The following GULP1 variants were observed in gnomAD, a reference collection of about 807,000 sequenced individuals.
GULP1 encodes the protein PTB domain-containing engulfment adapter protein 1.
A neutral mutation model predicts 40.9 loss-of-function variants in GULP1; 19 were observed. That is an observed-to-expected ratio of 0.46 (90% CI 0.32 to 0.68). The LOEUF is 0.68. Ranked by LOEUF, GULP1 falls within the 30% of genes least tolerant of loss-of-function variation. GULP1 has a pLI of 0.03. For missense variants in GULP1, 312 were observed against 362.2 expected (o/e 0.86, Z 1.12); for synonymous variants, 119 against 117.6 (o/e 1.01, Z -0.08).
chr2:188,462,780 A>T (rs1377989516), intron 2 of GULP1, among the ~76,000 whole-genome samples: 1 of 151,880 alleles, frequency 6.6e-6, no homozygotes, highest in Non-Finnish European at 1.5e-5. Context: ...TATTCATTAT[A>T]TATTTTTTTG....
intron 6 of GULP1, among the ~76,000 whole-genome samples, chr2:188,540,885 A>G (rs911721599): frequency 1.3e-5 from 2 of 152,134 alleles, no homozygotes; most frequent in African/African-American, 4.8e-5. Flanking sequence ...TTTAAAGTAT[A>G]TGATTTCTCA....
chr2:188,327,739 A>T (rs2040958469), intron 1 of GULP1, among the ~76,000 whole-genome samples: 1 of 152,090 alleles, frequency 6.6e-6, no homozygotes, highest in South Asian at 2.1e-4. Flanking sequence ...GGCTAATGGG[A>T]TGCTGAGTTA....
intron 9 of GULP1, among the ~76,000 whole-genome samples, chr2:188,583,976 C>T (rs918797561): frequency 1.4e-4 from 21 of 152,114 alleles, no homozygotes; most frequent in African/African-American, 5.1e-4. Context: ...CCCAAAAATT[C>T]ACTGTATCTT....
At chr2:188,485,818 A>T (rs887527240) in intron 4 of GULP1, among the ~76,000 whole-genome samples, 1 of 151,902 alleles carries the variant, frequency 6.6e-6, no homozygotes, top group Non-Finnish European at 1.5e-5. Flanking sequence ...AAAGAGTGGA[A>T]TTTTTTTCTC....
intron 1 of GULP1, among the ~76,000 whole-genome samples, chr2:188,324,407 G>T (rs2040453666): frequency 6.6e-6 from 1 of 151,968 alleles, no homozygotes; most frequent in South Asian, 2.1e-4. Flanking sequence ...ACTTTTCAAT[G>T]CTCTATCTTC....
intron 1 of GULP1, among the ~76,000 whole-genome samples, chr2:188,373,617 T>C (rs2047907364): frequency 6.6e-6 from 1 of 151,886 alleles, no homozygotes; most frequent in Admixed American, 6.6e-5. Flanking sequence ...AGTGAAAAGG[T>C]ATCAAAGCAG....
chr2:188,500,378 A>G (rs972881631), intron 4 of GULP1, among the ~76,000 whole-genome samples: 3 of 151,934 alleles, frequency 2.0e-5, no homozygotes, highest in Non-Finnish European at 4.4e-5. Flanking sequence ...ACCAATCTTT[A>G]TAGGAAGCTA....
intron 2 of GULP1, among the ~76,000 whole-genome samples, chr2:188,433,749 G>T (rs1431840294): frequency 6.6e-6 from 1 of 151,982 alleles, no homozygotes; most frequent in Non-Finnish European, 1.5e-5. Context: ...ATTCAAAGAG[G>T]TTTTTTCTGA....
intron 9 of GULP1, among the ~76,000 whole-genome samples, chr2:188,577,890 T>C (rs1302362525): frequency 6.6e-6 from 1 of 152,102 alleles, no homozygotes; most frequent in African/African-American, 2.4e-5. Flanking sequence ...AAAGATCTGC[T>C]AGAACATTTT....
At chr2:188,480,456 G>GTTTTTTTTTT (rs548972577) in intron 3 of GULP1, among the ~76,000 whole-genome samples, 2 of 147,558 alleles carry the variant, frequency 1.4e-5, no homozygotes, top group African/African-American at 5.0e-5. Context: ...ACATAATTGT[G>GTTTTTTTTTT]TTTTTTTTTT....
chr2:188,496,484 C>T (rs2062907814), intron 4 of GULP1, among the ~76,000 whole-genome samples: 1 of 151,882 alleles, frequency 6.6e-6, no homozygotes, highest in Non-Finnish European at 1.5e-5. Flanking sequence ...AAATATTCTT[C>T]AGAAACTTCT....
intron 2 of GULP1, among the ~76,000 whole-genome samples, chr2:188,449,787 G>A (rs758884385): frequency 1.3e-5 from 2 of 152,190 alleles, no homozygotes; most frequent in Non-Finnish European, 2.9e-5. Flanking sequence ...TGGCCAAAGT[G>A]AATTGTTGCC....
intron 2 of GULP1, among the ~76,000 whole-genome samples, chr2:188,467,663 T>C (rs1379152234): frequency 6.6e-6 from 1 of 152,194 alleles, no homozygotes; most frequent in African/African-American, 2.4e-5. Flanking sequence ...CTACTAATAT[T>C]TTCCATGTGG....
At chr2:188,362,986 A>T (rs1420235681) in intron 1 of GULP1, among the ~76,000 whole-genome samples, 2 of 152,106 alleles carry the variant, frequency 1.3e-5, no homozygotes, top group African/African-American at 4.8e-5. Flanking sequence ...AGAAAAAAAT[A>T]TGAATCGTAA....
intron 4 of GULP1, among the ~76,000 whole-genome samples, chr2:188,486,794 G>A (rs1369481372): frequency 2.0e-5 from 3 of 151,744 alleles, no homozygotes; most frequent in African/African-American, 7.3e-5. Context: ...TAGTTCATTG[G>A]GAATCTTTTA....
chr2:188,427,906 C>G (rs959164408), intron 2 of GULP1, among the ~76,000 whole-genome samples: 2 of 152,222 alleles, frequency 1.3e-5, no homozygotes, highest in African/African-American at 4.8e-5. Context: ...TTGCATCCTG[C>G]ATCTGGAAAA....
chr2:188,534,783 T>C (rs1465881718), intron 6 of GULP1, among the ~76,000 whole-genome samples: 1 of 152,110 alleles, frequency 6.6e-6, no homozygotes, highest in Non-Finnish European at 1.5e-5. Context: ...GTTTATCACA[T>C]GACAACCTAT....
intron 2 of GULP1, among the ~76,000 whole-genome samples, chr2:188,403,316 A>G (rs911447430): frequency 6.6e-6 from 1 of 152,068 alleles, no homozygotes; most frequent in African/African-American, 2.4e-5. Flanking sequence ...TGTTTTTTTA[A>G]TTAAAAAATG....
chr2:188,400,270 A>G (rs768612403), intron 2 of GULP1, among the ~76,000 whole-genome samples: 12 of 152,184 alleles, frequency 7.9e-5, no homozygotes, highest in Non-Finnish European at 1.0e-4. Context: ...TCTTATAAAC[A>G]TATCAGTCAT....
Sources: allele counts gnomAD v4.1 joint callset (sites outside exome capture counted in the v4.1 genomes callset), GRCh38; gene constraint gnomAD v4.1.1; transcripts MANE v1.5; gene names NCBI Gene and HGNC (gene_info 2026-07-23, HGNC 2026-07-21).